The following PRELID2 variants were observed in gnomAD, a reference collection of about 807,000 sequenced individuals.
The protein encoded by PRELID2 is PRELI domain containing 2, also known as PRELI domain-containing protein 2.
In PRELID2, 25 loss-of-function variants were observed where a neutral mutation model predicts 28.4. The observed-to-expected ratio is 0.88, with a 90% CI of 0.64 to 1.23. The LOEUF (loss-of-function observed/expected upper bound fraction) is 1.23. Ranked by LOEUF, PRELID2 falls within the 50% of genes most tolerant of loss-of-function variation. The pLI is 0.00. For missense variants in PRELID2, 201 were observed against 214.4 expected (o/e 0.94, Z 0.39); for synonymous variants, 76 against 71.6 (o/e 1.06, Z -0.31).
chr5:145,742,094 T>TATATATA (rs1756823631), intron 1 of PRELID2, among the ~76,000 whole-genome samples: 1 of 128,992 alleles, frequency 7.8e-6, no homozygotes, highest in African/African-American at 3.0e-5. Flanking sequence ...ATATTTATAA[T>TATATATA]TACATATAAT....
chr5:145,592,129 T>C (rs1366519449), intron 1 of PRELID2, among the ~76,000 whole-genome samples: 1 of 152,124 alleles, frequency 6.6e-6, no homozygotes, highest in Non-Finnish European at 1.5e-5. Context: ...GAAAACTTGT[T>C]AAATCAGCCA....
chr5:145,373,841 TAATA>T, the PRELID2 span, among the ~76,000 whole-genome samples: 2 of 94,506 alleles, frequency 2.1e-5, no homozygotes, highest in African/African-American at 8.8e-5. Flanking sequence ...ACAACATATA[TAATA>T]TATATGATAT....
At chr5:145,578,093 T>G (rs911245198) in intron 1 of PRELID2, among the ~76,000 whole-genome samples, 9 of 152,152 alleles carry the variant, frequency 5.9e-5, no homozygotes, top group Non-Finnish European at 1.3e-4. Flanking sequence ...AGTTGCTACA[T>G]CAGCTTAGCT....
chr5:145,731,391 T>G (rs1265148412), intron 1 of PRELID2, among the ~76,000 whole-genome samples: 1 of 152,192 alleles, frequency 6.6e-6, no homozygotes, highest in Admixed American at 6.5e-5. Flanking sequence ...GTGAGTCCAA[T>G]TTGTCAGAGA....
At chr5:145,771,504 C>T (rs1219615497) in intron 5 of PRELID2, among the ~76,000 whole-genome samples, 2 of 151,662 alleles carry the variant, frequency 1.3e-5, no homozygotes, top group Non-Finnish European at 2.9e-5. Context: ...AAAGTCCAGT[C>T]GTAAGTGTGA....
chr5:145,260,455 C>T, the PRELID2 span, among the ~76,000 whole-genome samples: 10 of 152,222 alleles, frequency 6.6e-5, no homozygotes, highest in African/African-American at 2.2e-4. Flanking sequence ...CATTGTCAGT[C>T]GACTTACATA....
At chr5:145,550,303 G>A (rs56267532) in intron 1 of PRELID2, among the ~76,000 whole-genome samples, 16,658 of 152,208 alleles carry the variant, frequency 0.11, 922 homozygotes, top group Middle Eastern at 0.12. Flanking sequence ...AACATAATGA[G>A]CAAGGCGGAG....
intron 1 of PRELID2, among the ~76,000 whole-genome samples, chr5:145,520,069 T>C (rs1238045777): frequency 2.6e-5 from 4 of 152,212 alleles, no homozygotes. Context: ...CTAGAATATC[T>C]TACCAGTGCA....
chr5:145,743,547 G>T (rs929193300), intron 1 of PRELID2, among the ~76,000 whole-genome samples: 8 of 152,192 alleles, frequency 5.3e-5, no homozygotes, highest in Admixed American at 2.6e-4. Flanking sequence ...TCCATGGAGA[G>T]CAAGGAAGAG....
At chr5:145,379,058 G>A in the PRELID2 span, among the ~76,000 whole-genome samples, 2 of 152,090 alleles carry the variant, frequency 1.3e-5, no homozygotes, top group South Asian at 2.1e-4. Context: ...GATTCAGCCA[G>A]CTGGACTTAT....
chr5:145,571,544 T>A (rs1252911753), intron 1 of PRELID2, among the ~76,000 whole-genome samples: 2 of 152,208 alleles, frequency 1.3e-5, no homozygotes, highest in African/African-American at 4.8e-5. Flanking sequence ...TGACATATTT[T>A]CAAATGGTCC....
At chr5:145,267,310 T>G in the PRELID2 span, among the ~76,000 whole-genome samples, 1 of 152,080 alleles carries the variant, frequency 6.6e-6, no homozygotes, top group African/African-American at 2.4e-5. Context: ...CCCAGCCCAC[T>G]GACCCAAATG....
At chr5:145,471,502 A>G (rs77762501), downstream of PRELID2, among the ~76,000 whole-genome samples, 1,564 of 152,246 alleles carry the variant, frequency 0.01, 29 homozygotes, top group African/African-American at 0.035. Flanking sequence ...CTAGGTACAT[A>G]AAATACTCAG....
At chr5:145,237,380 G>T in the PRELID2 span, among the ~76,000 whole-genome samples, 1 of 151,984 alleles carries the variant, frequency 6.6e-6, no homozygotes, top group African/African-American at 2.4e-5. Flanking sequence ...CCTCAGGGTG[G>T]GATAGCTATA....
At chr5:145,430,496 T>G in the PRELID2 span, among the ~76,000 whole-genome samples, 1 of 152,216 alleles carries the variant, frequency 6.6e-6, no homozygotes, top group African/African-American at 2.4e-5. Context: ...CATGAAGAAC[T>G]CAAACCTGCT....
At chr5:145,282,191 T>C in the PRELID2 span, among the ~76,000 whole-genome samples, 9 of 152,214 alleles carry the variant, frequency 5.9e-5, no homozygotes, top group Non-Finnish European at 8.8e-5. Context: ...ATACTCATTT[T>C]TATGGCTACC....
intron 5 of PRELID2, among the ~76,000 whole-genome samples, chr5:145,775,165 G>C (rs1293930113): frequency 6.6e-6 from 1 of 152,040 alleles, no homozygotes; most frequent in Admixed American, 6.6e-5. Context: ...ACTTGAACCT[G>C]GGAGGTGGAG....
intron 1 of PRELID2, among the ~76,000 whole-genome samples, chr5:145,684,945 G>A (rs1227684569): frequency 2.6e-5 from 4 of 152,124 alleles, no homozygotes; most frequent in Admixed American, 2.6e-4. Context: ...ACCAAGGTTG[G>A]GGTATAAGAC....
intron 1 of PRELID2, among the ~76,000 whole-genome samples, chr5:145,739,729 G>C (rs189274938): frequency 2.0e-5 from 3 of 151,716 alleles, no homozygotes; most frequent in African/African-American, 7.3e-5. Flanking sequence ...GGGAGGTAAG[G>C]TTTCTACATT....
Sources: gnomAD v4.1 joint callset for allele counts (sites outside exome capture counted in the v4.1 genomes callset) on GRCh38, gnomAD v4.1.1 for gene constraint, MANE v1.5 for transcripts, NCBI Gene and HGNC (gene_info 2026-07-23, HGNC 2026-07-21) for gene names.